TFEC: variants seen among roughly 807,000 people sequenced by gnomAD.
The protein encoded by TFEC is transcription factor EC, also known as class E basic helix-loop-helix protein 34.
TFEC carries 31 observed loss-of-function variants against 41.6 expected under a neutral mutation model. That is an observed-to-expected ratio of 0.74 (90% CI 0.56 to 1.01). The LOEUF is 1.01. Ranked by LOEUF, TFEC falls within the 50% of genes least tolerant of loss-of-function variation. TFEC has a pLI of 0.00. For synonymous variants in TFEC, 143 were observed against 140.6 expected (o/e 1.02, Z -0.12); for missense variants, 402 against 404.1 (o/e 0.99, Z 0.04).
chr7:115,993,158 C>T (rs1036657318), intron 1 of TFEC, among the ~76,000 whole-genome samples: 2 of 152,088 alleles, frequency 1.3e-5, no homozygotes, highest in African/African-American at 4.8e-5. Flanking sequence ...ATTCAATAGC[C>T]CTTCATGCTA....
chr7:115,950,841 T>C, intron 6 of TFEC, 33 bp downstream of exon 6: 1 of 1,532,534 alleles, frequency 6.5e-7, no homozygotes. Context: ...CTTTAAATTA[T>C]AACATTATTA....
intron 3 of TFEC, among the ~76,000 whole-genome samples, chr7:116,043,309 A>G (rs2896174): frequency 0.18 from 27,203 of 151,938 alleles, 2,482 homozygotes; most frequent in East Asian, 0.32. Flanking sequence ...AGACAATTTG[A>G]AAAAAAATTC....
chr7:116,034,305 A>G (rs947496597), upstream of TFEC, among the ~76,000 whole-genome samples: 3 of 151,976 alleles, frequency 2.0e-5, no homozygotes, highest in African/African-American at 2.4e-5. Flanking sequence ...TCTCATGGTC[A>G]TACTTCCAGG....
chr7:116,147,955 T>C (rs1203707188), intron 1 of TFEC, among the ~76,000 whole-genome samples: 5 of 152,116 alleles, frequency 3.3e-5, no homozygotes, highest in Admixed American at 2.6e-4. Flanking sequence ...ATAATAACTC[T>C]AATAAATAAG....
chr7:116,112,722 G>C (rs1406958933), intron 1 of TFEC, among the ~76,000 whole-genome samples: 1 of 151,918 alleles, frequency 6.6e-6, no homozygotes, highest in South Asian at 2.1e-4. Flanking sequence ...CTTTAAACTA[G>C]AATATATAAA....
intron 3 of TFEC, among the ~76,000 whole-genome samples, chr7:116,080,833 G>A (rs556332195): frequency 6.6e-6 from 1 of 152,138 alleles, no homozygotes; most frequent in Non-Finnish European, 1.5e-5. Flanking sequence ...CAATCCTACT[G>A]CTAGGTATCT....
At position 116,066,793 on chromosome 7, in the gene TFEC, G is replaced by A. The variant is rs540739475; in HGVS notation, c.198+43915C>T. ...TTTCAGTGAACTGAATGGTGCCCTC[G>A]TGGTCTTGAGAAGATAATGCAATTC... is the stretch of plus-strand genomic sequence containing the variant. On this transcript the variant is annotated intron_variant, in intron 3 of 8. Transcript: ENST00000484212. Among the ~76,000 whole-genome samples, 196 of 152,076 alleles carry A rather than the reference G, an allele frequency of 1.3e-3. 1 individual carries two copies. The highest frequency in any genetic ancestry group is 3.4e-3 in the Middle Eastern group (1 of 294).
intron 3 of TFEC, among the ~76,000 whole-genome samples, chr7:116,088,610 A>AC (rs1245329243): frequency 2.0e-5 from 3 of 152,056 alleles, no homozygotes; most frequent in African/African-American, 7.2e-5. Flanking sequence ...CTTAGTCATT[A>AC]TTTTTTATGA....
chr7:116,109,185 A>C (rs1455736292), intron 3 of TFEC, among the ~76,000 whole-genome samples: 1 of 151,990 alleles, frequency 6.6e-6, no homozygotes, highest in Non-Finnish European at 1.5e-5. Flanking sequence ...TGTCTAAAAC[A>C]CCAAAAGCAA....
At chr7:115,948,308 A>G (rs1791721515) in intron 6 of TFEC, among the ~76,000 whole-genome samples, 1 of 151,854 alleles carries the variant, frequency 6.6e-6, no homozygotes, top group African/African-American at 2.4e-5. Flanking sequence ...AAACTATTCC[A>G]ATCAATAGAA....
chr7:116,062,153 C>G (rs553511214), intron 3 of TFEC, among the ~76,000 whole-genome samples: 3 of 147,726 alleles, frequency 2.0e-5, no homozygotes, highest in Admixed American at 1.4e-4. Context: ...CTCCACCTCC[C>G]AGGTTCAAGT....
intron 3 of TFEC, among the ~76,000 whole-genome samples, chr7:115,971,459 T>C (rs1032168119): frequency 3.9e-5 from 6 of 152,054 alleles, no homozygotes; most frequent in Non-Finnish European, 7.4e-5. Context: ...TGATTTTCTC[T>C]TTCCCTTTGT....
In TFEC at chr7:115,937,241, TA is replaced by T. The variant is rs1372027322; in HGVS notation, c.*3309del. 6.6e-6 allele frequency: 1 copy of T among 151,704 alleles called. No homozygotes were observed. Among genetic ancestry groups the T allele is most frequent in the Non-Finnish European group, 1.5e-5 (1 of 67,714 alleles). The allele number at this position is 151,704 out of a possible 1,614,324, so 9.4% of individuals were successfully genotyped here. Reference sequence around the variant, plus strand: ...TAATTGTAATTATGAATTAAATCTTTAAATGAAAAGGGATAATTGTATATTA... The same window carrying T: ...TAATTGTAATTATGAATTAAATCTTTAATGAAAAGGGATAATTGTATATTA... On this transcript the variant is annotated 3_prime_UTR_variant, in exon 8 of 8. Transcript: ENST00000265440.
intron 3 of TFEC, among the ~76,000 whole-genome samples, chr7:116,052,533 A>G (rs1796335196): frequency 6.6e-6 from 1 of 151,964 alleles, no homozygotes; most frequent in Non-Finnish European, 1.5e-5. Context: ...GGTTCCAGTG[A>G]TTCTCCTGCC....
At chr7:116,055,510 T>A (rs913191013) in intron 3 of TFEC, among the ~76,000 whole-genome samples, 5 of 152,000 alleles carry the variant, frequency 3.3e-5, no homozygotes, top group African/African-American at 9.7e-5. Context: ...ATTAGGACCC[T>A]AAGTGTTTTC....
chr7:116,007,522 T>C (rs748640184), intron 1 of TFEC, among the ~76,000 whole-genome samples: 1 of 152,196 alleles, frequency 6.6e-6, no homozygotes, highest in Non-Finnish European at 1.5e-5. Context: ...CACGGAGATA[T>C]GATTATTTTC....
chr7:116,052,229 T>C (rs1408536957), intron 3 of TFEC, among the ~76,000 whole-genome samples: 1 of 152,034 alleles, frequency 6.6e-6, no homozygotes, highest in Non-Finnish European at 1.5e-5. Context: ...TGGATTTTAG[T>C]AAAAATAAGA....
intron 1 of TFEC, among the ~76,000 whole-genome samples, chr7:116,028,384 G>C (rs929282946): frequency 6.6e-6 from 1 of 152,116 alleles, no homozygotes; most frequent in Non-Finnish European, 1.5e-5. Flanking sequence ...GAATATTTGC[G>C]TAAATTAGTT....
intron 3 of TFEC, among the ~76,000 whole-genome samples, chr7:115,966,797 A>G (rs1278004414): frequency 6.6e-6 from 1 of 151,724 alleles, no homozygotes; most frequent in Non-Finnish European, 1.5e-5. Context: ...TTTCTGCACT[A>G]CCAATGTCCC....
Sources: allele counts gnomAD v4.1 joint callset (sites outside exome capture counted in the v4.1 genomes callset), GRCh38; gene constraint gnomAD v4.1.1; transcripts MANE v1.5; gene names NCBI Gene and HGNC (gene_info 2026-07-23, HGNC 2026-07-21).